The following AREL1 variants were observed in gnomAD, a reference collection of about 807,000 sequenced individuals.
The protein encoded by AREL1 is apoptosis resistant E3 ubiquitin protein ligase 1.
A neutral mutation model predicts 99.0 loss-of-function variants in AREL1; 62 were observed. That is an observed-to-expected ratio of 0.63 (90% CI 0.51 to 0.77). The LOEUF (loss-of-function observed/expected upper bound fraction) is 0.77, where lower values mean the gene tolerates loss of function less well. Among genes scored for constraint, AREL1 ranks in the 30% least tolerant of loss-of-function variants. AREL1 has a pLI of 0.00. For synonymous variants in AREL1, 380 were observed against 376.5 expected (o/e 1.01, Z -0.11); for missense variants, 879 against 1,027.6 (o/e 0.86, Z 1.98).
chr14:74,661,935 C>G lies in AREL1; in HGVS notation c.*1785G>C, dbSNP rs2089089531. ...AAAACAGCAGAACCAGTCCACGTGC[C>G]CCCAGCTGGAAACCCCTTTCTGGGC... On this transcript the variant is annotated 3_prime_UTR_variant, in exon 20 of 20. Transcript: ENST00000356357. 6.5e-6 allele frequency: 1 copy of G among 152,736 alleles called. No homozygotes were observed. Among genetic ancestry groups the G allele is most frequent in the South Asian group, 2.1e-4 (1 of 4,834 alleles). The allele number at this position is 152,736 out of a possible 1,614,324, so 9.5% of individuals were successfully genotyped here.
chr14:74,685,702 C>T (rs1044986331), intron 2 of AREL1, 42 bp from the exon 3 acceptor site: 9 of 1,547,158 alleles, frequency 5.8e-6, no homozygotes, highest in Middle Eastern at 1.7e-4. Context: ...TCCAACTCTG[C>T]CTCATAGCTA....
At chr14:74,666,560 A>G (rs2089213605) in intron 17 of AREL1, among the ~76,000 whole-genome samples, 1 of 152,220 alleles carries the variant, frequency 6.6e-6, no homozygotes, top group African/African-American at 2.4e-5. Context: ...ATTAGAATGT[A>G]GCCCATGAGG....
rs111417364 is a variant in AREL1 at position 74,689,844 on chromosome 14, C to T, written c.-46+2197G>A. 4.5e-3 allele frequency among the ~76,000 whole-genome samples: 689 copies of T among 151,910 alleles called. 5 individuals carry two copies. The highest frequency in any genetic ancestry group is 0.015 in the African/African-American group (611 of 41,444). On this transcript the variant is annotated intron_variant, in intron 2 of 19. Transcript: ENST00000356357. Reference sequence around the variant, plus strand: ...CTCCCAACCTGAGGTGATCCGCCTGCCTCAGCCTCCCAAAGTGCTGGGATT... The same window carrying T: ...CTCCCAACCTGAGGTGATCCGCCTGTCTCAGCCTCCCAAAGTGCTGGGATT...
intron 15 of AREL1, among the ~76,000 whole-genome samples, chr14:74,669,187 C>T (rs757620943): frequency 2.0e-5 from 3 of 152,162 alleles, no homozygotes; most frequent in Admixed American, 6.5e-5. Flanking sequence ...TGAGCCACTG[C>T]GCCCAGCCAA....
At chr14:74,666,812 G>A (rs978948963) in intron 17 of AREL1, among the ~76,000 whole-genome samples, 2 of 150,496 alleles carry the variant, frequency 1.3e-5, no homozygotes, top group Non-Finnish European at 2.9e-5. Flanking sequence ...TTCCGCCTCC[G>A]GGGTTCAAGT....
chr14:74,670,571 G>T, intron 13 of AREL1, 191 bp downstream of exon 13: 6 of 543,344 alleles, frequency 1.1e-5, no homozygotes, highest in African/African-American at 1.9e-5. Context: ...CTGCATTTTT[G>T]CTTATTTTAC....
chr14:74,680,522 A>G (rs2089605855), intron 5 of AREL1, among the ~76,000 whole-genome samples: 1 of 152,142 alleles, frequency 6.6e-6, no homozygotes, highest in Admixed American at 6.5e-5. Context: ...TAAGCATACA[A>G]CTCCAATACA....
At chr14:74,673,261 G>A (rs1342259203) in intron 9 of AREL1, 43 bp from the exon 10 acceptor site, 1 of 1,606,496 alleles carries the variant, frequency 6.2e-7, no homozygotes, top group Admixed American at 1.7e-5. Context: ...AAACCCTCAA[G>A]GCCAGTAAAA....
At position 74,670,088 on chromosome 14, in the gene AREL1, C is replaced by A; in HGVS notation, c.1647G>T (p.Leu549=). The A allele has an allele frequency of 6.2e-7, 1 of 1,613,456 alleles. No homozygotes were observed. The highest frequency in any genetic ancestry group is 1.3e-5 in the African/African-American group (1 of 75,050). The change falls in exon 14 of 20, where the codon CTG becomes CTT. Residue 549 remains leucine, a synonymous_variant. Transcript: ENST00000356357. The stretch of plus-strand genomic sequence containing the variant: ...GCCGTCCCGCAAACTCATACATTTT[C>A]AGGCGCAGATGAGCGGGGCGATTAG... ...PNPNRPAHLR[L]KMYEFAGRLV... is the part of the protein sequence containing the mutation.
At chr14:74,684,424 A>G (rs747373824) in intron 4 of AREL1, 30 bp downstream of exon 4, 1 of 1,603,384 alleles carries the variant, frequency 6.2e-7, no homozygotes, top group Non-Finnish European at 8.5e-7. Context: ...AGAAACCCCA[A>G]TGGGTATGGA....
In AREL1 at chr14:74,663,951, A is replaced by T; in HGVS notation, c.2317T>A (p.Phe773Ile). ...PGGFAALCPSFQIIAAPTHST... is the reference protein window; with the variant it reads ...PGGFAALCPSIQIIAAPTHST... ...TGGGTCGGAGCGGCAATAATCTGAAATGAGGGACAGAGGGCGGCAAAGCCT... is the reference window on the plus strand; with the variant it reads ...TGGGTCGGAGCGGCAATAATCTGAATTGAGGGACAGAGGGCGGCAAAGCCT... The change falls in exon 19 of 20, where the codon TTT (phenylalanine) becomes ATT (isoleucine). Residue 773 changes from phenylalanine (F) to isoleucine (I), a missense_variant. Physicochemically the swap from Phe to Ile is conservative, Grantham distance 21. Transcript: ENST00000356357. 6.2e-7 allele frequency: 1 copy of T among 1,614,204 alleles called. No homozygotes were observed. Among genetic ancestry groups the T allele is most frequent in the Non-Finnish European group, 8.5e-7 (1 of 1,180,034 alleles).
At position 74,685,546 on chromosome 14, in the gene AREL1, G is replaced by T. The variant is rs909302587; in HGVS notation, c.16+54C>A. The T allele has an allele frequency of 3.7e-6, 6 of 1,605,508 alleles. No homozygotes were observed. In the African/African-American group the frequency reaches 6.7e-5, roughly 18 times the overall value. On this transcript the variant is annotated intron_variant, in intron 3 of 19. Coordinates refer to ENST00000356357, the MANE Select transcript of AREL1 (RefSeq NM_001039479.2). ...AAAGAATAGGCAGAAAGGCAAAAAG[G>T]ACCCAAGCAACCTTTACAAAAATAT... is the stretch of plus-strand genomic sequence containing the variant.
In AREL1 at chr14:74,661,460, C is replaced by A. The variant is rs2089075066; in HGVS notation, c.*2260G>T. 1 of 342,248 alleles carries A rather than the reference C, an allele frequency of 2.9e-6. No individual in the cohort carries two copies. Among genetic ancestry groups the A allele is most frequent in the South Asian group, 2.2e-5 (1 of 46,376 alleles). The allele number at this position is 342,248 out of a possible 1,614,324, so 21.2% of individuals were successfully genotyped here. A position where few individuals can be genotyped will look rare whatever the true frequency, so the allele number is the denominator to read the frequency against. ...AAGGCCAGAAGGGTAGCTGGCCCCC[C>A]AAGTACCTGGGTCACAAGGACATAA... On this transcript the variant is annotated 3_prime_UTR_variant, in exon 20 of 20. Coordinates refer to ENST00000356357, the MANE Select transcript of AREL1 (RefSeq NM_001039479.2).
intron 1 of AREL1, among the ~76,000 whole-genome samples, chr14:74,697,119 TA>T (rs1457919817): frequency 6.6e-6 from 1 of 152,030 alleles, no homozygotes; most frequent in Non-Finnish European, 1.5e-5. Flanking sequence ...CACTGTACTC[TA>T]GCCTGGGTAA....
chr14:74,682,338 C>G (rs2089649064), intron 5 of AREL1, among the ~76,000 whole-genome samples: 1 of 152,172 alleles, frequency 6.6e-6, no homozygotes, highest in Admixed American at 6.5e-5. Flanking sequence ...TACCACAGCC[C>G]TTAGCCCTTA....
chr14:74,668,537 A>C (rs986454143), intron 15 of AREL1, among the ~76,000 whole-genome samples: 32 of 152,116 alleles, frequency 2.1e-4, no homozygotes, highest in Non-Finnish European at 3.7e-4. Context: ...TAGTATTCAT[A>C]TTAAACACAA....
chr14:74,681,222 G>GA (rs1010375030), intron 5 of AREL1, among the ~76,000 whole-genome samples: 3 of 151,864 alleles, frequency 2.0e-5, no homozygotes, highest in Non-Finnish European at 4.4e-5. Context: ...CGTTTGGAGA[G>GA]AAAAAAACCA....
At chr14:74,687,135 C>A (rs906090327) in intron 2 of AREL1, among the ~76,000 whole-genome samples, 1 of 152,172 alleles carries the variant, frequency 6.6e-6, no homozygotes, top group East Asian at 1.9e-4. Flanking sequence ...TTCGATCTGA[C>A]CCTAGATGTG....
At chr14:74,664,767 T>G (rs2089174666) in intron 18 of AREL1, 69 bp downstream of exon 18, 2 of 1,466,000 alleles carry the variant, frequency 1.4e-6, no homozygotes, top group Admixed American at 3.5e-5. Context: ...CCTCCTCTAC[T>G]TTTTTCTTCT....
Sources: allele counts gnomAD v4.1 joint callset (sites outside exome capture counted in the v4.1 genomes callset), GRCh38; gene constraint gnomAD v4.1.1; transcripts MANE v1.5; gene names NCBI Gene and HGNC (gene_info 2026-07-23, HGNC 2026-07-21).